TLE1: variants seen among roughly 807,000 people sequenced by gnomAD.
TLE1 encodes transducin-like enhancer protein 1.
TLE1 carries 21 observed loss-of-function variants against 89.8 expected under a neutral mutation model. The ratio of observed to expected loss-of-function variants is 0.23; its 90% CI spans 0.17 to 0.34. The LOEUF is 0.34. TLE1 is among the 10% of genes least tolerant of loss of function. The pLI, the probability that TLE1 is intolerant of heterozygous loss-of-function variation, is 1.00. For synonymous variants in TLE1, 447 were observed against 407.6 expected, an observed-to-expected ratio of 1.10 and a Z score of -1.16; for missense variants, 795 against 1,031.2, an observed-to-expected ratio of 0.77 and a Z score of 3.14.
rs1459162202 is a variant in TLE1, at chr9:81,674,714, C to A, written c.234+10962G>T. Among the ~76,000 whole-genome samples, 8 of 152,082 alleles carry A rather than the reference C, an allele frequency of 5.3e-5. No individual in the cohort carries two copies. In the South Asian group the frequency reaches 1.5e-3, roughly 28 times the overall value. The stretch of plus-strand genomic sequence containing the variant: ...TTGTAAGGGGAGTCCAGCTTTTCTG[C>A]GTTAAATAAAATCTCAAGTGACAGT... On this transcript the variant is annotated intron_variant, in intron 4 of 19. Coordinates refer to ENST00000376499, the MANE Select transcript of TLE1 (RefSeq NM_005077.5).
chr9:81,652,125 A>T, intron 6 of TLE1, 89 bp downstream of exon 6: 1 of 1,292,400 alleles, frequency 7.7e-7, no homozygotes. Flanking sequence ...ACACACACAC[A>T]CACACACACA....
chr9:81,686,635 A>T (rs1460460760), intron 2 of TLE1, among the ~76,000 whole-genome samples: 1 of 152,250 alleles, frequency 6.6e-6, no homozygotes, highest in East Asian at 1.9e-4. Context: ...GTAAAACTTC[A>T]TAGGAACAAG....
chr9:81,653,741 T>C (rs1829833352), intron 5 of TLE1, among the ~76,000 whole-genome samples: 1 of 152,192 alleles, frequency 6.6e-6, no homozygotes, highest in Non-Finnish European at 1.5e-5. Flanking sequence ...TGGATAGTCA[T>C]TTTGCAGTTT....
At chr9:81,683,868 C>A (rs1833925111) in intron 4 of TLE1, among the ~76,000 whole-genome samples, 1 of 152,080 alleles carries the variant, frequency 6.6e-6, no homozygotes, top group South Asian at 2.1e-4. Flanking sequence ...ATTCTCACAC[C>A]ATGGTGCTTC....
intron 4 of TLE1, among the ~76,000 whole-genome samples, chr9:81,674,166 T>G (rs963613567): frequency 1.1e-4 from 17 of 152,200 alleles, no homozygotes; most frequent in African/African-American, 4.1e-4. Flanking sequence ...AAATCCATAC[T>G]GCCATTGCCC....
chr9:81,592,934 T>C (rs866961662), intron 15 of TLE1, 91 bp downstream of exon 15: 5 of 1,499,962 alleles, frequency 3.3e-6, no homozygotes, highest in Non-Finnish European at 4.5e-6. Flanking sequence ...TATTTCCTCA[T>C]AATGGGAATA....
intron 14 of TLE1, among the ~76,000 whole-genome samples, chr9:81,601,539 A>G (rs1335862153): frequency 6.6e-6 from 1 of 152,010 alleles, no homozygotes; most frequent in Non-Finnish European, 1.5e-5. Context: ...GTGCTAATAT[A>G]TAAGGCAGGT....
At position 81,610,304 on chromosome 9, in the gene TLE1, C is replaced by A; in HGVS notation, c.1255-8G>T. The A allele has an allele frequency of 6.2e-7, 1 of 1,611,994 alleles. No individual in the cohort carries two copies. Among genetic ancestry groups the A allele is most frequent in the Non-Finnish European group, 8.5e-7 (1 of 1,178,740 alleles). On this transcript the variant is annotated splice_region_variant and splice_polypyrimidine_tract_variant and intron_variant, in intron 13 of 19. Transcript: ENST00000376499. ...GGGAGGATCAAACCCCACCTGGAAA[C>A]AAAAATAAGGCATTGCAGACTCAGT... is the stretch of plus-strand genomic sequence containing the variant.
At chr9:81,607,595 G>A (rs1358120836) in intron 14 of TLE1, among the ~76,000 whole-genome samples, 1 of 152,152 alleles carries the variant, frequency 6.6e-6, no homozygotes, top group East Asian at 1.9e-4. Flanking sequence ...TTGGTTACTG[G>A]TATTACTGCT....
chr9:81,605,974 A>G (rs1255896389), intron 14 of TLE1, among the ~76,000 whole-genome samples: 2 of 152,226 alleles, frequency 1.3e-5, no homozygotes, highest in Non-Finnish European at 2.9e-5. Flanking sequence ...ATGAACAGAC[A>G]CTTCTCAAAA....
At chr9:81,614,199 C>T (rs2132092840) in intron 11 of TLE1, among the ~76,000 whole-genome samples, 1 of 152,236 alleles carries the variant, frequency 6.6e-6, no homozygotes, top group East Asian at 1.9e-4. Flanking sequence ...TGAGCCACCG[C>T]GCCAGGCCAG....
intron 4 of TLE1, among the ~76,000 whole-genome samples, chr9:81,685,430 G>A (rs183759192): frequency 6.6e-6 from 1 of 152,146 alleles, no homozygotes; most frequent in Non-Finnish European, 1.5e-5. Context: ...ATTCCTATCT[G>A]TCAATAAAGA....
intron 11 of TLE1, among the ~76,000 whole-genome samples, 198 bp from the exon 12 acceptor site, chr9:81,613,719 C>T (rs182906110): frequency 2.0e-4 from 30 of 152,162 alleles, no homozygotes; most frequent in African/African-American, 5.3e-4. Flanking sequence ...AATTAAAACT[C>T]GAGCTAGAGA....
Position 81,689,243 on chromosome 9 carries a change from G to A in TLE1, c.-1003C>T, listed in dbSNP as rs1488675587. On this transcript the variant is annotated 5_prime_UTR_variant, in exon 1 of 20. Transcript: ENST00000376499. ...TCACCACCCGAGGGACGACATCCAC[G>A]AGATGGTGGGGAAAACAGCAGGAGT... 1.3e-5 allele frequency: 2 copies of A among 152,332 alleles called. No homozygotes were observed. Among genetic ancestry groups the A allele is most frequent in the Non-Finnish European group, 2.9e-5 (2 of 68,126 alleles). 9.4% of individuals were successfully genotyped at this position (152,332 alleles called of 1,614,324 possible).
At chr9:81,633,119 T>C (rs1826885068) in intron 8 of TLE1, among the ~76,000 whole-genome samples, 1 of 152,176 alleles carries the variant, frequency 6.6e-6, no homozygotes, top group African/African-American at 2.4e-5. Context: ...TATGCCTCTC[T>C]TGTCTGATGC....
At chr9:81,585,778 G>C in intron 17 of TLE1, 123 bp from the exon 18 acceptor site, 1 of 1,257,716 alleles carries the variant, frequency 8.0e-7, no homozygotes, top group East Asian at 2.5e-5. Flanking sequence ...TCCAGACTGT[G>C]GGGAGGTCCA....
chr9:81,593,042 A>T lies in TLE1; in HGVS notation c.1564T>A (p.Ser522Thr). The T allele has an allele frequency of 6.2e-7, 1 of 1,613,380 alleles. No individual in the cohort carries two copies. The highest frequency in any genetic ancestry group is 1.1e-5 in the South Asian group (1 of 91,062). Residue 522 changes from serine (S) to threonine (T), a missense_variant, in exon 15 of 20, where the codon TCC (serine) becomes ACC (threonine). By Grantham distance (58) the Ser-to-Thr change is moderately conservative. Transcript: ENST00000376499. The part of the protein sequence containing the change: ...ISHPGNKSPV[S>T]QLDCLNRDNY... The stretch of plus-strand genomic sequence containing the variant: ...TCACTCACCAGACAGTCGAGCTGGG[A>T]GACAGGGCTCTTATTGCCAGGGTGG...
intron 14 of TLE1, among the ~76,000 whole-genome samples, chr9:81,599,004 G>T (rs1830561757): frequency 6.6e-6 from 1 of 152,152 alleles, no homozygotes; most frequent in East Asian, 1.9e-4. Flanking sequence ...GTAACATGTG[G>T]GCACCAAGCC....
chr9:81,599,014 C>T (rs745529093), intron 14 of TLE1, among the ~76,000 whole-genome samples: 9 of 152,182 alleles, frequency 5.9e-5, no homozygotes, highest in Non-Finnish European at 7.3e-5. Context: ...GGCACCAAGC[C>T]TAACTAACTT....
Sources: gnomAD v4.1 joint callset for allele counts (sites outside exome capture counted in the v4.1 genomes callset) on GRCh38, gnomAD v4.1.1 for gene constraint, MANE v1.5 for transcripts, NCBI Gene and HGNC (gene_info 2026-07-23, HGNC 2026-07-21) for gene names.